PTGER3: variants seen among roughly 807,000 people sequenced by gnomAD.
The protein encoded by PTGER3 is prostaglandin E2 receptor EP3 subtype.
PTGER3 carries 22 observed loss-of-function variants against 34.7 expected under a neutral mutation model. The observed-to-expected ratio is 0.63, with a 90% CI of 0.45 to 0.91. The LOEUF (loss-of-function observed/expected upper bound fraction) is 0.91, where lower values mean the gene tolerates loss of function less well. Among genes scored for constraint, PTGER3 ranks in the 40% least tolerant of loss-of-function variants. The pLI is 0.00. For synonymous variants in PTGER3, 241 were observed against 230.1 expected, an observed-to-expected ratio of 1.05 and a Z score of -0.43; for missense variants, 468 against 519.4, an observed-to-expected ratio of 0.90 and a Z score of 0.96.
At chr1:71,006,684 A>G in intron 2 of PTGER3, 4 of 984,512 alleles carry the variant, frequency 4.1e-6, no homozygotes, top group Non-Finnish European at 4.8e-6. Context: ...TATGCACATG[A>G]TTATGGAATA....
chr1:70,924,921 C>T (rs1347911070), intron 4 of PTGER3, among the ~76,000 whole-genome samples: 6 of 152,162 alleles, frequency 3.9e-5, no homozygotes, highest in Non-Finnish European at 8.8e-5. Context: ...CAAAGATGAA[C>T]TGAGACAAAT....
chr1:70,891,505 GGTAAAA>G (rs1021006452), intron 4 of PTGER3, among the ~76,000 whole-genome samples: 1 of 151,368 alleles, frequency 6.6e-6, no homozygotes, highest in Non-Finnish European at 1.5e-5. Flanking sequence ...CACTATAATT[GGTAAAA>G]GTCTATCTTA....
intron 2 of PTGER3, among the ~76,000 whole-genome samples, chr1:70,993,762 C>T (rs189991213): frequency 5.9e-5 from 9 of 152,046 alleles, no homozygotes; most frequent in African/African-American, 9.7e-5. Context: ...GAATGCAAAC[C>T]GAGTGAGTGA....
rs576141089 is a variant in PTGER3, at chr1:70,876,785, G to A, written c.*24-23926C>T. ...CCTGTAGGTCTGTGGCTTTACTTCC[G>A]GGCTTTCTATTCTGTTCTATTGGTC... On this transcript the variant is annotated intron_variant, in intron 4 of 4. Transcript: ENST00000370931. Among the ~76,000 whole-genome samples, 13 of 152,096 alleles carry A rather than the reference G, an allele frequency of 8.5e-5. No homozygotes were observed. In the East Asian group the frequency reaches 9.7e-4, roughly 11 times the overall value.
intron 2 of PTGER3, among the ~76,000 whole-genome samples, chr1:70,956,424 G>A (rs1176588618): frequency 2.6e-5 from 4 of 151,552 alleles, no homozygotes; most frequent in African/African-American, 9.7e-5. Flanking sequence ...TAGAACACAA[G>A]TACATGTCTT....
chr1:71,030,710 C>A (rs752572238), intron 1 of PTGER3, among the ~76,000 whole-genome samples: 1 of 152,128 alleles, frequency 6.6e-6, no homozygotes, highest in East Asian at 1.9e-4. Flanking sequence ...TCACCTTCTA[C>A]GGGATTTTTC....
At chr1:70,872,510 A>C (rs558960026) in intron 4 of PTGER3, among the ~76,000 whole-genome samples, 6 of 152,188 alleles carry the variant, frequency 3.9e-5, no homozygotes, top group Admixed American at 2.6e-4. Context: ...TATTGCTCGC[A>C]ACTTATAATA....
intron 4 of PTGER3, among the ~76,000 whole-genome samples, chr1:70,902,948 AAGTT>A (rs1192030086): frequency 1.3e-5 from 2 of 152,170 alleles, no homozygotes; most frequent in Non-Finnish European, 2.9e-5. Context: ...GAACCTGTAA[AAGTT>A]AGCTTATTTG....
chr1:71,027,618 G>C (rs1659049363), intron 1 of PTGER3, among the ~76,000 whole-genome samples: 1 of 152,088 alleles, frequency 6.6e-6, no homozygotes, highest in African/African-American at 2.4e-5. Flanking sequence ...AGTCCCCCCG[G>C]TTAAAACAAT....
chr1:70,965,189 G>A (rs758734640), intron 2 of PTGER3, among the ~76,000 whole-genome samples: 8 of 152,162 alleles, frequency 5.3e-5, no homozygotes, highest in Non-Finnish European at 1.2e-4. Context: ...GCAGGAACTA[G>A]GTTGTAGAAA....
chr1:70,946,927 T>C (rs561362506), intron 4 of PTGER3, among the ~76,000 whole-genome samples: 1 of 152,244 alleles, frequency 6.6e-6, no homozygotes, highest in Admixed American at 6.5e-5. Context: ...CAGACTTATA[T>C]AATTCCAGGT....
At chr1:70,852,621 T>G in exon 5 of PTGER3, 4 of 599,648 alleles carry the variant, frequency 6.7e-6, no homozygotes, top group Non-Finnish European at 8.9e-6. Flanking sequence ...CAATAGGACA[T>G]AAGTTTAATT....
At chr1:70,879,251 G>GTTTGTTGTGT (rs1553158906) in intron 4 of PTGER3, among the ~76,000 whole-genome samples, 1 of 151,282 alleles carries the variant, frequency 6.6e-6, no homozygotes, top group Non-Finnish European at 1.5e-5. Flanking sequence ...TTTGTTTTTT[G>GTTTGTTGTGT]TTTGTTTTGT....
intron 4 of PTGER3, among the ~76,000 whole-genome samples, chr1:70,880,107 T>C (rs1392012235): frequency 6.6e-6 from 1 of 151,896 alleles, no homozygotes; most frequent in Non-Finnish European, 1.5e-5. Context: ...AAAATTGATA[T>C]GTGTAGGTTT....
At chr1:70,983,292 A>AAAC (rs386367299) in intron 2 of PTGER3, among the ~76,000 whole-genome samples, 2 of 151,656 alleles carry the variant, frequency 1.3e-5, no homozygotes, top group African/African-American at 2.4e-5. Context: ...CTGAAAAAAA[A>AAAC]AACAACGGAA....
chr1:70,929,969 T>C (rs1180637195), intron 4 of PTGER3, among the ~76,000 whole-genome samples: 2 of 152,214 alleles, frequency 1.3e-5, no homozygotes, highest in Non-Finnish European at 2.9e-5. Flanking sequence ...CTTCCTCTTA[T>C]ATTGCTCTGT....
At chr1:71,003,915 T>A (rs1448618833) in intron 2 of PTGER3, among the ~76,000 whole-genome samples, 2 of 152,220 alleles carry the variant, frequency 1.3e-5, no homozygotes, top group Non-Finnish European at 2.9e-5. Flanking sequence ...GTCTGTACAA[T>A]TTCTGACACT....
chr1:70,907,622 CATGAA>C (rs1646975704), intron 4 of PTGER3, among the ~76,000 whole-genome samples: 1 of 152,188 alleles, frequency 6.6e-6, no homozygotes, highest in Non-Finnish European at 1.5e-5. Flanking sequence ...AGTAACACAT[CATGAA>C]ATGAATGGTA....
At chr1:71,013,783 C>G (rs1353154338) in intron 1 of PTGER3, among the ~76,000 whole-genome samples, 1 of 151,712 alleles carries the variant, frequency 6.6e-6, no homozygotes, top group Non-Finnish European at 1.5e-5. Flanking sequence ...AATATACTGT[C>G]CAGAATTCCT....
Sources: allele counts gnomAD v4.1 joint callset (sites outside exome capture counted in the v4.1 genomes callset), GRCh38; gene constraint gnomAD v4.1.1; transcripts MANE v1.5; gene names NCBI Gene and HGNC (gene_info 2026-07-23, HGNC 2026-07-21).